The following DNAAF11 variants were observed in gnomAD, a reference collection of about 807,000 sequenced individuals.
DNAAF11 encodes dynein axonemal assembly factor 11.
DNAAF11 carries 45 observed loss-of-function variants against 60.8 expected under a neutral mutation model. The observed-to-expected ratio is 0.74, with a 90% CI of 0.58 to 0.95. The LOEUF is 0.95. Among genes scored for constraint, DNAAF11 ranks in the 40% least tolerant of loss-of-function variants. The pLI is 0.00. For synonymous variants in DNAAF11, 191 were observed against 183.5 expected (o/e 1.04, Z -0.33); for missense variants, 546 against 546.2 (o/e 1.00, Z 0.00).
intron 10 of DNAAF11, among the ~76,000 whole-genome samples, chr8:132,593,435 C>G (rs1230024752): frequency 6.8e-6 from 1 of 147,592 alleles, no homozygotes; most frequent in Non-Finnish European, 1.5e-5. Flanking sequence ...TTAGAACACC[C>G]ATAGAGAGAA....
At chr8:132,579,199 C>T (rs1297633135) in intron 11 of DNAAF11, among the ~76,000 whole-genome samples, 2 of 152,204 alleles carry the variant, frequency 1.3e-5, no homozygotes, top group African/African-American at 4.8e-5. Flanking sequence ...CTCTAAGGAA[C>T]CACCAGAATA....
chr8:132,575,878 G>A (rs62514469), intron 11 of DNAAF11, among the ~76,000 whole-genome samples: 16,099 of 152,176 alleles, frequency 0.11, 1,147 homozygotes, highest in East Asian at 0.24. Flanking sequence ...GTAAGTGAGG[G>A]AAGCTTGGAT....
chr8:132,691,734 A>G, the DNAAF11 span, among the ~76,000 whole-genome samples: 1 of 152,126 alleles, frequency 6.6e-6, no homozygotes, highest in South Asian at 2.1e-4. Context: ...TGAGAACAGC[A>G]TGGGGGAAAC....
intron 3 of DNAAF11, among the ~76,000 whole-genome samples, chr8:132,649,557 A>G (rs552606778): frequency 1.3e-5 from 2 of 152,214 alleles, no homozygotes; most frequent in Non-Finnish European, 2.9e-5. Context: ...CAGCAAAAGA[A>G]ACTACCATCA....
At chr8:132,614,081 C>T (rs753160764) in intron 8 of DNAAF11, among the ~76,000 whole-genome samples, 1 of 152,200 alleles carries the variant, frequency 6.6e-6, no homozygotes, top group South Asian at 2.1e-4. Context: ...GCTTCCTGCT[C>T]TGACCACAAA....
At chr8:132,580,982 C>A (rs1342273669) in intron 11 of DNAAF11, among the ~76,000 whole-genome samples, 1 of 152,176 alleles carries the variant, frequency 6.6e-6, no homozygotes, top group Non-Finnish European at 1.5e-5. Flanking sequence ...AGAATAGAGA[C>A]CAGAGGCAAA....
intron 10 of DNAAF11, among the ~76,000 whole-genome samples, chr8:132,598,602 T>C (rs1230038355): frequency 1.3e-5 from 2 of 152,216 alleles, no homozygotes; most frequent in South Asian, 2.1e-4. Flanking sequence ...ACTGAAGGTA[T>C]ATAAAATGTT....
intron 10 of DNAAF11, among the ~76,000 whole-genome samples, chr8:132,609,645 G>A (rs1207506052): frequency 6.6e-6 from 1 of 152,088 alleles, no homozygotes; most frequent in African/African-American, 2.4e-5. Flanking sequence ...TGCAAGATAG[G>A]AACATGAAAG....
chr8:132,657,683 G>A (rs1823716052), intron 2 of DNAAF11, among the ~76,000 whole-genome samples: 1 of 152,096 alleles, frequency 6.6e-6, no homozygotes, highest in African/African-American at 2.4e-5. Flanking sequence ...CTGCAGAATG[G>A]GGCCTTTGAA....
At chr8:132,641,118 A>C (rs1453820803) in intron 3 of DNAAF11, among the ~76,000 whole-genome samples, 1 of 152,188 alleles carries the variant, frequency 6.6e-6, no homozygotes, top group South Asian at 2.1e-4. Flanking sequence ...GAATGATGGA[A>C]TGAAAACAAG....
In DNAAF11 at chr8:132,632,858, TAAGAC is replaced by T. The variant is rs1428817504; in HGVS notation, c.530_534del (p.Cys177Ter). The T allele has an allele frequency of 1.9e-6, 3 of 1,613,792 alleles. No individual in the cohort carries two copies. Among genetic ancestry groups the T allele is most frequent in the Non-Finnish European group, 2.5e-6 (3 of 1,179,708 alleles). On this transcript the variant is annotated frameshift_variant, in exon 5 of 12. Transcript: ENST00000620350. LOFTEE classifies it high-confidence loss of function. ...GCCTCTTCCTTGAGTTTGGCTCGTT[TAAGAC>T]AGTGATCTTTTTCCTGCTCTCTGAT... is the stretch of plus-strand genomic sequence containing the variant.
At position 132,578,210 on chromosome 8, in the gene DNAAF11, A is replaced by G. The variant is rs1814959879; in HGVS notation, c.1226+5484T>C. The stretch of plus-strand genomic sequence containing the variant: ...ATCCTGGGCCATAATTTCTGGTCTC[A>G]GTAATAAGCCATGAACTTAGCTAGT... On this transcript the variant is annotated intron_variant, in intron 11 of 11. Coordinates refer to ENST00000620350, the MANE Select transcript of DNAAF11 (RefSeq NM_012472.6). Among the ~76,000 whole-genome samples the G allele has an allele frequency of 2.0e-5, 3 of 152,180 alleles. 1 individual carries two copies. In the East Asian group the frequency reaches 5.8e-4, roughly 29 times the overall value.
At chr8:132,631,860 T>A (rs1820832872) in intron 5 of DNAAF11, among the ~76,000 whole-genome samples, 2 of 151,818 alleles carry the variant, frequency 1.3e-5, no homozygotes, top group Non-Finnish European at 2.9e-5. Context: ...CACCGGGGCC[T>A]GTTGTGGGGT....
intron 10 of DNAAF11, among the ~76,000 whole-genome samples, chr8:132,590,002 T>C (rs1816295309): frequency 6.6e-6 from 1 of 152,208 alleles, no homozygotes; most frequent in South Asian, 2.1e-4. Flanking sequence ...TTGCAGTACT[T>C]TCATGTGGGT....
At chr8:132,667,221 C>G (rs548397695) in intron 1 of DNAAF11, among the ~76,000 whole-genome samples, 1 of 152,198 alleles carries the variant, frequency 6.6e-6, no homozygotes, top group South Asian at 2.1e-4. Flanking sequence ...CCCCACCATT[C>G]TCTACCTGTT....
chr8:132,578,384 C>T (rs1166063050), intron 11 of DNAAF11: 2 of 1,373,668 alleles, frequency 1.5e-6, no homozygotes, highest in African/African-American at 1.5e-5. Context: ...ATCTCCAAAA[C>T]AAAGTGGGGA....
intron 1 of DNAAF11, among the ~76,000 whole-genome samples, chr8:132,666,925 T>G (rs1191049469): frequency 6.6e-6 from 1 of 152,038 alleles, no homozygotes; most frequent in African/African-American, 2.4e-5. Flanking sequence ...AGAGGATGAT[T>G]AAGATTATTC....
At chr8:132,590,315 C>T (rs1816331886) in intron 10 of DNAAF11, among the ~76,000 whole-genome samples, 1 of 152,192 alleles carries the variant, frequency 6.6e-6, no homozygotes, top group East Asian at 1.9e-4. Context: ...AGGCCCTGCC[C>T]AAGAGGGTTA....
intron 10 of DNAAF11, among the ~76,000 whole-genome samples, chr8:132,605,521 A>G (rs1029331966): frequency 1.3e-5 from 2 of 152,318 alleles, no homozygotes; most frequent in African/African-American, 4.8e-5. Context: ...TTTATTGAAG[A>G]CCTACTCTTT....
Sources: allele counts gnomAD v4.1 joint callset (sites outside exome capture counted in the v4.1 genomes callset), GRCh38; gene constraint gnomAD v4.1.1; transcripts MANE v1.5; gene names NCBI Gene and HGNC (gene_info 2026-07-23, HGNC 2026-07-21).